Variants in ESRRG observed in about 807,000 individuals in gnomAD.
The protein encoded by ESRRG is estrogen-related receptor gamma.
In ESRRG, 13 loss-of-function variants were observed where a neutral mutation model predicts 44.0. The ratio of observed to expected loss-of-function variants is 0.30; its 90% CI spans 0.19 to 0.47. The LOEUF is 0.47. ESRRG is among the 20% of genes least tolerant of loss of function. The pLI, the probability that ESRRG is intolerant of heterozygous loss-of-function variation, is 1.00. For missense variants in ESRRG, 395 were observed against 580.6 expected (o/e 0.68, Z 3.29); for synonymous variants, 215 against 214.6 (o/e 1.00, Z -0.02).
chr1:217,060,248 T>C (rs1476028792), intron 1 of ESRRG, among the ~76,000 whole-genome samples: 2 of 152,102 alleles, frequency 1.3e-5, no homozygotes, highest in African/African-American at 4.8e-5. Flanking sequence ...TAAAAGACTA[T>C]GAGTTTCTCA....
chr1:216,531,210 A>G (rs1158215842), intron 5 of ESRRG, among the ~76,000 whole-genome samples: 3 of 152,022 alleles, frequency 2.0e-5, no homozygotes, highest in African/African-American at 7.3e-5. Context: ...CCACACTCAA[A>G]TAATATTAGA....
chr1:217,051,112 C>T (rs981673953), intron 1 of ESRRG, among the ~76,000 whole-genome samples: 1 of 149,110 alleles, frequency 6.7e-6, no homozygotes, highest in Non-Finnish European at 1.5e-5. Flanking sequence ...TATCCAGGAT[C>T]TAAGGCCTAG....
upstream of ESRRG, among the ~76,000 whole-genome samples, chr1:216,727,161 A>G (rs1358226375): frequency 5.9e-5 from 9 of 152,314 alleles, no homozygotes; most frequent in East Asian, 1.7e-3. Context: ...TTCATCATTT[A>G]CTAAATATGT....
intron 1 of ESRRG, among the ~76,000 whole-genome samples, chr1:216,682,397 T>C (rs1176973838): frequency 1.3e-5 from 2 of 152,224 alleles, no homozygotes; most frequent in Non-Finnish European, 2.9e-5. Flanking sequence ...AAGGTAATCA[T>C]CATCATTATA....
rs1559956283 is a variant in ESRRG at position 216,877,390 on chromosome 1, TTTG to T, written c.-14+62189_-14+62191del. Among the ~76,000 whole-genome samples the T allele has an allele frequency of 1.9e-3, 54 of 28,386 alleles. No individual in the cohort carries two copies. In the East Asian group the frequency reaches 0.021, roughly 11 times the overall value. The allele number at this position is 28,386 out of a possible 152,430, so 18.6% of individuals were successfully genotyped here. ...TTTATAGGTATGGTGTTTTTTTTTG[TTTG>T]TTTGTTTGTTTGTTTGTTTGTTTGT... On this transcript the variant is annotated intron_variant, in intron 2 of 7. Coordinates refer to the ESRRG transcript ENST00000359162.
chr1:216,799,433 T>C (rs11572611), intron 2 of ESRRG, among the ~76,000 whole-genome samples: 1,675 of 151,680 alleles, frequency 0.011, 39 homozygotes, highest in African/African-American at 0.039. Context: ...TTCCTCAGGA[T>C]AGGAGGTGAC....
chr1:216,861,211 A>T (rs575067585), intron 2 of ESRRG, among the ~76,000 whole-genome samples: 4 of 152,206 alleles, frequency 2.6e-5, no homozygotes, highest in Non-Finnish European at 2.9e-5. Flanking sequence ...AATAAAAAAT[A>T]AATAGAAAAA....
chr1:216,544,175 A>G (rs2149303656), intron 5 of ESRRG, among the ~76,000 whole-genome samples: 1 of 152,182 alleles, frequency 6.6e-6, no homozygotes, highest in South Asian at 2.1e-4. Context: ...ATCATTGTGC[A>G]TATGATAATC....
intron 1 of ESRRG, among the ~76,000 whole-genome samples, chr1:217,081,361 G>A (rs1580481304): frequency 6.7e-6 from 1 of 149,924 alleles, no homozygotes; most frequent in Non-Finnish European, 1.5e-5. Context: ...CCGAGTAGCT[G>A]GGATTACAGG....
intron 1 of ESRRG, among the ~76,000 whole-genome samples, chr1:217,009,702 C>CTTTTTTTTTTTT (rs11325118): frequency 1.4e-3 from 144 of 106,252 alleles, no homozygotes; most frequent in Non-Finnish European, 1.7e-3. Flanking sequence ...TTTTCTTTTT[C>CTTTTTTTTTTTT]TTTTTTTTTT....
At chr1:216,932,712 C>T (rs577506342) in intron 2 of ESRRG, among the ~76,000 whole-genome samples, 1 of 141,312 alleles carries the variant, frequency 7.1e-6, no homozygotes, top group African/African-American at 2.6e-5. Flanking sequence ...TACATGCCAC[C>T]AAACTTGTTT....
At chr1:217,117,280 T>C (rs2092743037) in intron 1 of ESRRG, among the ~76,000 whole-genome samples, 1 of 152,182 alleles carries the variant, frequency 6.6e-6, no homozygotes, top group African/African-American at 2.4e-5. Flanking sequence ...AATAATTAAA[T>C]GAAATTTTAA....
intron 5 of ESRRG, among the ~76,000 whole-genome samples, chr1:216,537,974 C>T (rs532000064): frequency 7.9e-5 from 12 of 152,174 alleles, no homozygotes; most frequent in African/African-American, 2.2e-4. Flanking sequence ...CTGGATATTT[C>T]TTCACCTTTG....
chr1:216,883,716 C>G (rs899738397), intron 2 of ESRRG, among the ~76,000 whole-genome samples: 3 of 152,150 alleles, frequency 2.0e-5, no homozygotes, highest in Middle Eastern at 3.2e-3. Flanking sequence ...TAATACACCC[C>G]CTAATGGTAG....
chr1:216,781,276 AAAATAAAAAAAAAAAATC>A (rs759790895), intron 2 of ESRRG, among the ~76,000 whole-genome samples: 15 of 151,392 alleles, frequency 9.9e-5, no homozygotes, highest in Non-Finnish European at 1.8e-4. Context: ...CTGAACAACC[AAAATAAAAAAAAAAAATC>A]GCTTGCCTCA....
chr1:216,804,563 T>C (rs886985909), intron 2 of ESRRG, among the ~76,000 whole-genome samples: 3 of 152,160 alleles, frequency 2.0e-5, no homozygotes, highest in Non-Finnish European at 2.9e-5. Context: ...CAAATCCTTG[T>C]ATCTTTTTAA....
intron 2 of ESRRG, among the ~76,000 whole-genome samples, chr1:216,667,717 C>T (rs903627659): frequency 1.0e-4 from 13 of 128,232 alleles, no homozygotes; most frequent in African/African-American, 1.5e-4. Flanking sequence ...AAAGATAGAA[C>T]GAAGTTGAAA....
intron 1 of ESRRG, among the ~76,000 whole-genome samples, chr1:216,964,273 T>G (rs2069758722): frequency 1.3e-5 from 2 of 152,242 alleles, no homozygotes; most frequent in African/African-American, 2.4e-5. Context: ...AGAACAGATG[T>G]AAAAACTGCA....
chr1:216,857,362 GAAAAAAA>G (rs769553632), intron 2 of ESRRG, among the ~76,000 whole-genome samples: 1 of 125,274 alleles, frequency 8.0e-6, no homozygotes, highest in African/African-American at 2.9e-5. Flanking sequence ...CACCCTTTGG[GAAAAAAA>G]AAAAAAAGAA....
Sources: allele counts gnomAD v4.1 joint callset (sites outside exome capture counted in the v4.1 genomes callset), GRCh38; gene constraint gnomAD v4.1.1; transcripts MANE v1.5; gene names NCBI Gene and HGNC (gene_info 2026-07-23, HGNC 2026-07-21).